Variants in TRPM1 observed in about 807,000 individuals in gnomAD.
The protein encoded by TRPM1 is transient receptor potential cation channel subfamily M member 1.
Under a neutral mutation model 149.4 loss-of-function variants are expected in TRPM1, and 113 were observed. The ratio of observed to expected loss-of-function variants is 0.76; its 90% CI spans 0.65 to 0.88. The LOEUF is 0.88. Ranked by LOEUF, TRPM1 falls within the 40% of genes least tolerant of loss-of-function variation. The pLI is 0.00. For synonymous variants in TRPM1, 741 were observed against 759.5 expected (o/e 0.98, Z 0.40); for missense variants, 1,976 against 2,038.7 (o/e 0.97, Z 0.59).
intron 1 of TRPM1, among the ~76,000 whole-genome samples, chr15:31,150,940 T>C (rs570263915): frequency 2.6e-5 from 4 of 151,710 alleles, no homozygotes; most frequent in South Asian, 4.2e-4. Flanking sequence ...AAGCCAAGAG[T>C]CCACATGCGC....
At chr15:31,049,272 G>A (rs2033869106) in intron 13 of TRPM1, 103 bp downstream of exon 13, 1 of 1,552,100 alleles carries the variant, frequency 6.4e-7, no homozygotes, top group Non-Finnish European at 8.8e-7. Flanking sequence ...GGACCTCCCA[G>A]CTGAAGGAGG....
At chr15:31,097,680 A>G (rs1045153607) in intron 1 of TRPM1, among the ~76,000 whole-genome samples, 7 of 152,144 alleles carry the variant, frequency 4.6e-5, no homozygotes, top group Non-Finnish European at 7.3e-5. Flanking sequence ...CGTCTCCATT[A>G]TGAATTGAAA....
At chr15:31,120,748 G>A (rs1164134293) in intron 1 of TRPM1, among the ~76,000 whole-genome samples, 1 of 147,428 alleles carries the variant, frequency 6.8e-6, no homozygotes, top group Non-Finnish European at 1.5e-5. Context: ...ATTACTGAAA[G>A]ATATCTGGGA....
intron 27 of TRPM1, among the ~76,000 whole-genome samples, chr15:31,012,168 A>G (rs2032209145): frequency 1.3e-5 from 2 of 152,186 alleles, no homozygotes; most frequent in Admixed American, 1.3e-4. Flanking sequence ...TACATTTATA[A>G]TGCCTTTTAT....
chr15:31,110,952 G>A (rs2035679399), intron 1 of TRPM1, among the ~76,000 whole-genome samples: 1 of 138,972 alleles, frequency 7.2e-6, no homozygotes, highest in Non-Finnish European at 1.5e-5. Flanking sequence ...TCAGTGGGTT[G>A]TGTTGCAGTG....
In TRPM1 at chr15:31,049,459, G is replaced by A. The variant is rs373134893; in HGVS notation, c.1488C>T (p.Val496=). Residue 496 remains valine, a synonymous_variant, in exon 13 of 28, where the codon GTC becomes GTT. Transcript: ENST00000256552. The part of the protein sequence containing the change: ...AMLDALVLDR[V]DFVKLLIENG... The stretch of plus-strand genomic sequence containing the variant: ...TTTCAATCAGGAGCTTCACAAAGTC[G>A]ACACGATCTAAGACTAAAGCATCTA... 5 of 1,614,004 alleles carry A rather than the reference G, an allele frequency of 3.1e-6. No homozygotes were observed. In the African/African-American group the frequency reaches 4.0e-5, roughly 13 times the overall value.
At chr15:31,072,010 T>TAG (rs1390003241) in intron 3 of TRPM1, among the ~76,000 whole-genome samples, 135 of 30,050 alleles carry the variant, frequency 4.5e-3, no homozygotes, top group East Asian at 0.01. Flanking sequence ...TATATATATA[T>TAG]ATATATATAG....
chr15:31,077,626 G>C (rs2034740295), intron 2 of TRPM1, among the ~76,000 whole-genome samples: 1 of 152,118 alleles, frequency 6.6e-6, no homozygotes, highest in African/African-American at 2.4e-5. Flanking sequence ...AGGGGCCTCG[G>C]GGATCCCTGG....
rs1330830433 is a variant in TRPM1 at position 31,015,614 on chromosome 15, A to AT, written c.3629+10524dup. 5.9e-5 allele frequency among the ~76,000 whole-genome samples: 9 copies of AT among 152,204 alleles called. 1 individual carries two copies. The highest frequency in any genetic ancestry group is 5.9e-4 in the Admixed American group (9 of 15,278). On this transcript the variant is annotated intron_variant, in intron 27 of 27. Transcript: ENST00000256552. ...ATAGCAGCTTCCCATCACACTTAAG[A>AT]TAAAAACACAATTTCATTGCAGTGT...
At chr15:31,103,896 A>G (rs1038206649), upstream of TRPM1, among the ~76,000 whole-genome samples, 1 of 151,776 alleles carries the variant, frequency 6.6e-6, no homozygotes, top group East Asian at 1.9e-4. Context: ...GCTCACAGCT[A>G]TGGCTCACCT....
chr15:31,113,417 T>C (rs1378196807), intron 1 of TRPM1, among the ~76,000 whole-genome samples: 1 of 134,370 alleles, frequency 7.4e-6, no homozygotes, highest in South Asian at 2.6e-4. Flanking sequence ...CAGAATTCAA[T>C]ACCCAGCTCT....
chr15:31,060,162 C>T (rs1020052372), intron 11 of TRPM1: 1 of 311,190 alleles, frequency 3.2e-6, no homozygotes, highest in Non-Finnish European at 6.1e-6. Flanking sequence ...CACACACACA[C>T]AGAGTTCTCT....
At chr15:31,115,716 G>A (rs930625644) in intron 1 of TRPM1, among the ~76,000 whole-genome samples, 1 of 151,530 alleles carries the variant, frequency 6.6e-6, no homozygotes. Flanking sequence ...ACCCTGTTGA[G>A]ACACACCCAG....
Position 31,002,049 on chromosome 15 carries a change from T to G in TRPM1, c.4651A>C (p.Asn1551His). The stretch of plus-strand genomic sequence containing the variant: ...ACAGACAGTAAGTTTTCCATCCCAT[T>G]TCTGTCAGTAATGGTTAGGGACAAG... Reference protein sequence around the residue: ...PRLSLTITDRNGMENLLSVKP... With the variant: ...PRLSLTITDRHGMENLLSVKP... The change falls in exon 28 of 28, where the codon AAT becomes CAT. Residue 1551 changes from asparagine to histidine, a missense_variant. Transcript: ENST00000256552. The G allele has an allele frequency of 1.9e-6, 3 of 1,614,230 alleles. No homozygotes were observed. Among genetic ancestry groups the G allele is most frequent in the Non-Finnish European group, 2.5e-6 (3 of 1,180,036 alleles).
chr15:31,084,277 CTG>C (rs1267091979), intron 1 of TRPM1, among the ~76,000 whole-genome samples: 1 of 152,176 alleles, frequency 6.6e-6, no homozygotes, highest in Non-Finnish European at 1.5e-5. Flanking sequence ...AGTTCCAAGA[CTG>C]TGAAACCATC....
chr15:31,055,167 T>G (rs2034050048), intron 11 of TRPM1, among the ~76,000 whole-genome samples: 1 of 152,156 alleles, frequency 6.6e-6, no homozygotes, highest in Non-Finnish European at 1.5e-5. Flanking sequence ...CTTGAGTGCT[T>G]CAACTATTAA....
At chr15:31,022,872 A>G (rs931492438) in intron 27 of TRPM1, among the ~76,000 whole-genome samples, 2 of 152,230 alleles carry the variant, frequency 1.3e-5, no homozygotes, top group Admixed American at 6.5e-5. Context: ...AATAAAAAAA[A>G]TTAGCTGGGC....
At chr15:31,079,615 G>C (rs1292312800) in intron 2 of TRPM1, among the ~76,000 whole-genome samples, 14 of 152,226 alleles carry the variant, frequency 9.2e-5, no homozygotes, top group Admixed American at 8.5e-4. Flanking sequence ...CATTAGCATT[G>C]AGTCACTCAG....
intron 1 of TRPM1, chr15:31,160,784 C>A: frequency 9.0e-7 from 1 of 1,112,070 alleles, no homozygotes; most frequent in South Asian, 1.4e-5. Flanking sequence ...CCCATGCCCA[C>A]CCAGCACAGT....
Sources: allele counts gnomAD v4.1 joint callset (sites outside exome capture counted in the v4.1 genomes callset), GRCh38; gene constraint gnomAD v4.1.1; transcripts MANE v1.5; gene names NCBI Gene and HGNC (gene_info 2026-07-23, HGNC 2026-07-21).